MAST1: variants seen among roughly 807,000 people sequenced by gnomAD.
MAST1 encodes the protein microtubule-associated serine/threonine-protein kinase 1.
MAST1 carries 40 observed loss-of-function variants against 124.6 expected under a neutral mutation model. The observed-to-expected ratio is 0.32, with a 90% CI of 0.25 to 0.42. The LOEUF (loss-of-function observed/expected upper bound fraction) is 0.42. MAST1 is among the 10% of genes least tolerant of loss of function. The pLI is 1.00. For synonymous variants in MAST1, 938 were observed against 939.4 expected, an observed-to-expected ratio of 1.00 and a Z score of 0.03; for missense variants, 1,558 against 2,181.9, an observed-to-expected ratio of 0.71 and a Z score of 5.70.
chr19:12,874,071 A>G lies in MAST1; in HGVS notation c.3914A>G (p.His1305Arg). Residue 1305 changes from histidine (H) to arginine (R), a missense_variant, in exon 26 of 26, where the codon CAT becomes CGT. Transcript: ENST00000251472. This position sits in a 1 kb window ranked among gnomAD's most constrained non-coding sequence, Gnocchi z 6.6. ...GACTTCCATGGCGAGCTGGCGCTGCATAGCCTTGCCGAGTCCGACGGTGAG... is the reference window on the plus strand; with the variant it reads ...GACTTCCATGGCGAGCTGGCGCTGCGTAGCCTTGCCGAGTCCGACGGTGAG... The part of the protein sequence containing the change: ...RKDFHGELAL[H>R]SLAESDGETP... 6.3e-7 allele frequency: 1 copy of G among 1,590,178 alleles called. No homozygotes were observed. Among genetic ancestry groups the G allele is most frequent in the South Asian group, 1.1e-5 (1 of 87,924 alleles).
intron 7 of MAST1, 200 bp downstream of exon 7, chr19:12,848,257 A>T (rs570243127): frequency 3.4e-6 from 2 of 589,396 alleles, no homozygotes; most frequent in African/African-American, 3.7e-5. Flanking sequence ...CACCTCGCTC[A>T]TTTCCCTTAG....
rs34988246 is a variant in MAST1 at position 12,868,103 on chromosome 19, A to ATTTTTTTTTTTTTTTTTTT, written c.2566+131_2566+149dup. 301 of 322,212 alleles carry ATTTTTTTTTTTTTTTTTTT rather than the reference A, an allele frequency of 9.3e-4. 19 individuals carry two copies. The highest frequency in any genetic ancestry group is 2.6e-3 in the East Asian group (22 of 8,368). 20.0% of individuals were successfully genotyped at this position (322,212 alleles called of 1,614,324 possible). ...GGTCCTATTCACATTGCAATTTGGG[A>ATTTTTTTTTTTTTTTTTTT]TTTTTTTTTTTTTTTTTTTTTTTGA... On this transcript the variant is annotated intron_variant, in intron 20 of 25. Transcript: ENST00000251472.
rs1065199 is a variant in MAST1, at chr19:12,874,564, C to T, written c.4407C>T (p.Ser1469=). 1.3e-6 allele frequency: 2 copies of T among 1,507,958 alleles called. No individual in the cohort carries two copies. Among genetic ancestry groups the T allele is most frequent in the Admixed American group, 2.2e-5 (1 of 44,754 alleles). 93.4% of individuals were successfully genotyped at this position (1,507,958 alleles called of 1,614,324 possible). ...AGGAACCCGCACCCCTGGCGCCTTC[C>T]GTGCCCGAGGCCCCCCGGGGCCGGG... ...GLQEPAPLAP[S]VPEAPRGRER... Residue 1469 remains serine, a synonymous_variant, in exon 26 of 26, where the codon TCC becomes TCT. Transcript: ENST00000251472. This position sits in a 1 kb window ranked among gnomAD's most constrained non-coding sequence, Gnocchi z 6.6.
chr19:12,871,184 CG>C lies in MAST1; in HGVS notation c.3263+13del, dbSNP rs753337121. On this transcript the variant is annotated intron_variant, in intron 24 of 25. Coordinates refer to ENST00000251472, the MANE Select transcript of MAST1 (RefSeq NM_014975.3). Reference sequence around the variant, plus strand: ...GAGGGCCAGGAGAGGTGGGCACAGCCGTAAACAGCCTGGTCTTTGAGCAGTG... The same window carrying C: ...GAGGGCCAGGAGAGGTGGGCACAGCCTAAACAGCCTGGTCTTTGAGCAGTG... 6 of 1,613,674 alleles carry C rather than the reference CG, an allele frequency of 3.7e-6. No individual in the cohort carries two copies. The highest frequency in any genetic ancestry group is 5.1e-6 in the Non-Finnish European group (6 of 1,179,938).
At position 12,847,334 on chromosome 19, in the gene MAST1, G is replaced by T. The variant is rs1165769184; in HGVS notation, c.372G>T (p.Gln124His). The T allele has an allele frequency of 1.2e-6, 2 of 1,613,802 alleles. No individual in the cohort carries two copies. Among genetic ancestry groups the T allele is most frequent in the African/African-American group, 1.3e-5 (1 of 74,900 alleles). Residue 124 changes from glutamine (Q) to histidine (H), a missense_variant, in exon 5 of 26, where the codon CAG becomes CAT. Physicochemically the swap from Gln to His is conservative, Grantham distance 24 (BLOSUM62 0). Coordinates refer to ENST00000251472, the MANE Select transcript of MAST1 (RefSeq NM_014975.3). The surrounding 1 kb of genome is among the most constrained non-coding windows in gnomAD (Gnocchi z 5.5). ...SQERLHQLPY[Q>H]PTVDELHFLS... is the part of the protein sequence containing the mutation. ...AGCGCCTTCACCAGCTGCCCTACCA[G>T]CCCACGGTGGACGAGCTCCACTTCC... is the stretch of plus-strand genomic sequence containing the variant.
chr19:12,842,643 T>C (rs1230176875), intron 3 of MAST1, among the ~76,000 whole-genome samples: 1 of 152,174 alleles, frequency 6.6e-6, no homozygotes, highest in Non-Finnish European at 1.5e-5. Flanking sequence ...CTAATGTGTG[T>C]TGTGCACTCA....
In MAST1 at chr19:12,841,654, C is replaced by G. The variant is rs1351801390; in HGVS notation, c.248+588C>G. On this transcript the variant is annotated intron_variant, in intron 3 of 25. Transcript: ENST00000251472. This position sits in a 1 kb window ranked among gnomAD's most constrained non-coding sequence, Gnocchi z 4.3. ...GGGCCTGTCTCTTTTTCTTTGAACT[C>G]TATTCATTCTAAAAATGGTGTCTAA... Among the ~76,000 whole-genome samples, 1 of 152,132 alleles carries G rather than the reference C, an allele frequency of 6.6e-6. No individual in the cohort carries two copies. The highest frequency in any genetic ancestry group is 1.5e-5 in the Non-Finnish European group (1 of 68,022).
At chr19:12,844,808 A>G (rs1969872727) in intron 4 of MAST1, among the ~76,000 whole-genome samples, 2 of 152,212 alleles carry the variant, frequency 1.3e-5, no homozygotes, top group Non-Finnish European at 2.9e-5. Context: ...CCAGGGCAGC[A>G]AGGGAGATTT....
In MAST1 at chr19:12,865,442, G is replaced by A; in HGVS notation, c.1765G>A (p.Gly589Arg). 6.2e-7 allele frequency: 1 copy of A among 1,604,158 alleles called. No homozygotes were observed. The highest frequency in any genetic ancestry group is 8.5e-7 in the Non-Finnish European group (1 of 1,175,192). ...EFLVGCVPFF[G>R]DTPEELFGQV... ...CCTGGTGGGCTGTGTGCCCTTCTTCGGAGACACACCAGAGGAGCTATTTGG... is the reference window on the plus strand; with the variant it reads ...CCTGGTGGGCTGTGTGCCCTTCTTCAGAGACACACCAGAGGAGCTATTTGG... Residue 589 changes from glycine (G) to arginine (R), a missense_variant, in exon 15 of 26, where the codon GGA becomes AGA. This residue lies in a region of MAST1 where 145 missense variants were observed against 350.0 expected (regional missense o/e 0.41). Transcript: ENST00000251472. The surrounding 1 kb of genome is among the most constrained non-coding windows in gnomAD (Gnocchi z 7.1).
rs1201166393 is a variant in MAST1 at position 12,868,972 on chromosome 19, TG to T, written c.2774-93del. On this transcript the variant is annotated intron_variant, in intron 21 of 25. Coordinates refer to ENST00000251472, the MANE Select transcript of MAST1 (RefSeq NM_014975.3). ...GCTCCAGGCTGGACCAATGAGAGGC[TG>T]CTCTGCCACTGCCTTGGGAGGAGGG... is the stretch of plus-strand genomic sequence containing the variant. 3 of 1,533,622 alleles carry T rather than the reference TG, an allele frequency of 2.0e-6. No homozygotes were observed. The African/African-American group carries it at 4.1e-5, about 21-fold the overall frequency.
At position 12,843,396 on chromosome 19, in the gene MAST1, T is replaced by C. The variant is rs1969854954; in HGVS notation, c.249-133T>C. On this transcript the variant is annotated intron_variant, in intron 3 of 25. Coordinates refer to ENST00000251472, the MANE Select transcript of MAST1 (RefSeq NM_014975.3). The surrounding 1 kb of genome is among the most constrained non-coding windows in gnomAD (Gnocchi z 4.9). ...CTTTATCCCCTTGATTCTGAGGGCC[T>C]TGAGGAATCTTAGAGTGCAGATATA... 2 of 598,330 alleles carry C rather than the reference T, an allele frequency of 3.3e-6. No individual in the cohort carries two copies. Among genetic ancestry groups the C allele is most frequent in the Non-Finnish European group, 5.8e-6 (2 of 341,900 alleles). 37.1% of individuals were successfully genotyped at this position (598,330 alleles called of 1,614,324 possible).
Position 12,852,320 on chromosome 19 carries a change from C to T in MAST1, c.1010-8C>T. The T allele has an allele frequency of 6.2e-7, 1 of 1,614,134 alleles. No individual in the cohort carries two copies. Among genetic ancestry groups the T allele is most frequent in the Non-Finnish European group, 8.5e-7 (1 of 1,180,030 alleles). On this transcript the variant is annotated splice_polypyrimidine_tract_variant and splice_region_variant and intron_variant, in intron 9 of 25. Transcript: ENST00000251472. ...CCCAGCTCGTGCTCACTCTCAGTCCCTCCCTAGATGTGGTGCATCTGGAGG... is the reference window on the plus strand; with the variant it reads ...CCCAGCTCGTGCTCACTCTCAGTCCTTCCCTAGATGTGGTGCATCTGGAGG...
intron 20 of MAST1, among the ~76,000 whole-genome samples, chr19:12,868,250 A>T (rs1274297599): frequency 6.6e-6 from 1 of 151,146 alleles, no homozygotes; most frequent in African/African-American, 2.4e-5. Context: ...CTGGGATTAC[A>T]GGCGCGCGCC....
chr19:12,864,515 C>T (rs537515769), intron 12 of MAST1, among the ~76,000 whole-genome samples: 1 of 152,230 alleles, frequency 6.6e-6, no homozygotes, highest in African/African-American at 2.4e-5. Context: ...AGTGGGTAGC[C>T]TTTGTTCCCC....
Position 12,873,958 on chromosome 19 carries a change from C to T in MAST1, c.3801C>T (p.Ala1267=), listed in dbSNP as rs780091132. The part of the protein sequence containing the change: ...RSPLLKRVQS[A]EKLGASLSAD... The stretch of plus-strand genomic sequence containing the variant: ...CGCTCCTCAAGCGCGTGCAGTCGGC[C>T]GAGAAGCTGGGAGCCTCTTTGAGTG... The change falls in exon 26 of 26, where the codon GCC becomes GCT. Residue 1267 remains alanine (A), a synonymous_variant. Transcript: ENST00000251472. 2 of 1,597,408 alleles carry T rather than the reference C, an allele frequency of 1.3e-6. No individual in the cohort carries two copies. The highest frequency in any genetic ancestry group is 4.5e-5 in the East Asian group (2 of 44,656).
chr19:12,847,519 G>A lies in MAST1; in HGVS notation c.488+69G>A. On this transcript the variant is annotated intron_variant, in intron 5 of 25. Transcript: ENST00000251472. The surrounding 1 kb of genome is among the most constrained non-coding windows in gnomAD (Gnocchi z 5.5). ...AGGACTTGTGCTTAGAGAGACCCCT[G>A]TCCCCGCGAATAAAAGGGTTACATC... 1.9e-6 allele frequency: 3 copies of A among 1,610,694 alleles called. No individual in the cohort carries two copies. The highest frequency in any genetic ancestry group is 2.5e-6 in the Non-Finnish European group (3 of 1,177,906).
intron 7 of MAST1, among the ~76,000 whole-genome samples, chr19:12,849,439 A>C (rs979864811): frequency 6.6e-6 from 1 of 152,040 alleles, no homozygotes; most frequent in Non-Finnish European, 1.5e-5. Flanking sequence ...TGAGGCGAGC[A>C]GATCACGAGG....
chr19:12,860,144 T>C (rs2145902766), intron 12 of MAST1, among the ~76,000 whole-genome samples: 1 of 152,260 alleles, frequency 6.6e-6, no homozygotes. Context: ...GGACGGCGTC[T>C]TGCTCTGTCT....
intron 10 of MAST1, among the ~76,000 whole-genome samples, chr19:12,852,981 A>AT (rs1349661892): frequency 6.6e-6 from 1 of 151,380 alleles, no homozygotes; most frequent in East Asian, 2.0e-4. Flanking sequence ...TTATTTATTT[A>AT]TTTTTTGAGA....
Sources: allele counts gnomAD v4.1 joint callset (sites outside exome capture counted in the v4.1 genomes callset), GRCh38; gene constraint gnomAD v4.1.1; regional missense constraint gnomAD v4.1.1; non-coding constraint Gnocchi (gnomAD v3.1); transcripts MANE v1.5; gene names NCBI Gene and HGNC (gene_info 2026-07-23, HGNC 2026-07-21).